GNAL: variants seen among roughly 807,000 people sequenced by gnomAD.
The protein encoded by GNAL is G protein subunit alpha L.
A neutral mutation model predicts 55.1 loss-of-function variants in GNAL; 18 were observed. The ratio of observed to expected loss-of-function variants is 0.33; its 90% CI spans 0.23 to 0.48. The LOEUF is 0.48. Ranked by LOEUF, GNAL falls within the 20% of genes least tolerant of loss-of-function variation. GNAL has a pLI of 0.99. For synonymous variants in GNAL, 253 were observed against 237.0 expected, an observed-to-expected ratio of 1.07 and a Z score of -0.62; for missense variants, 412 against 614.1, an observed-to-expected ratio of 0.67 and a Z score of 3.48.
chr18:11,881,246 G>A lies in GNAL; in HGVS notation c.*111G>A, dbSNP rs1057005227. On this transcript the variant is annotated 3_prime_UTR_variant, in exon 12 of 12. Coordinates refer to ENST00000334049, the MANE Select transcript of GNAL (RefSeq NM_182978.4). The surrounding 1 kb of genome is among the most constrained non-coding windows in gnomAD (Gnocchi z 4.8). Reference sequence around the variant, plus strand: ...GTTCCATCTCGCTGCCGTCTGTCCCGTTCTGTGTCGACCACCAAGCCTCTG... The same window carrying A: ...GTTCCATCTCGCTGCCGTCTGTCCCATTCTGTGTCGACCACCAAGCCTCTG... 34 of 1,104,272 alleles carry A rather than the reference G, an allele frequency of 3.1e-5. No individual in the cohort carries two copies. The Admixed American group carries it at 3.3e-4, about 11-fold the overall frequency. The allele number at this position is 1,104,272 out of a possible 1,614,324, so 68.4% of individuals were successfully genotyped here. A position where few individuals can be genotyped will look rare whatever the true frequency, so the allele number is the denominator to read the frequency against.
intron 5 of GNAL, among the ~76,000 whole-genome samples, chr18:11,850,390 A>G (rs2035831074): frequency 6.6e-6 from 1 of 152,132 alleles, no homozygotes; most frequent in African/African-American, 2.4e-5. Context: ...ATGATCTCTA[A>G]ACAGAATTCG....
At chr18:11,730,082 G>A (rs528620544) in intron 1 of GNAL, among the ~76,000 whole-genome samples, 29 of 150,928 alleles carry the variant, frequency 1.9e-4, no homozygotes, top group Non-Finnish European at 1.8e-4. Context: ...CGCCCAGGCC[G>A]AACTGCAGTG....
At position 11,883,070 on chromosome 18, in the gene GNAL, G is replaced by C. The variant is rs1288731106; in HGVS notation, c.*1935G>C. The C allele has an allele frequency of 6.6e-6, 1 of 152,094 alleles. No individual in the cohort carries two copies. The highest frequency in any genetic ancestry group is 1.5e-5 in the Non-Finnish European group (1 of 68,022). 9.4% of individuals were successfully genotyped at this position (152,094 alleles called of 1,614,324 possible). On this transcript the variant is annotated 3_prime_UTR_variant, in exon 12 of 12. Coordinates refer to ENST00000334049, the MANE Select transcript of GNAL (RefSeq NM_182978.4). ...ATTATTACTCTTCTTTTAGTCTTTA[G>C]TCTTTAATATTTTAAAGTTTACTCT...
chr18:11,763,412 CTTTT>C (rs869177717), intron 4 of GNAL, among the ~76,000 whole-genome samples: 1 of 148,466 alleles, frequency 6.7e-6, no homozygotes, highest in African/African-American at 2.5e-5. Context: ...AATACGATAT[CTTTT>C]TTTTTTTCTT....
intron 4 of GNAL, among the ~76,000 whole-genome samples, chr18:11,778,270 G>A (rs1412044625): frequency 6.6e-6 from 1 of 152,258 alleles, no homozygotes; most frequent in African/African-American, 2.4e-5. Context: ...ATCAGAGAAG[G>A]GTTAAATCCT....
At chr18:11,851,889 C>T (rs1014209877) in intron 5 of GNAL, 6 of 1,613,788 alleles carry the variant, frequency 3.7e-6, no homozygotes, top group African/African-American at 1.3e-5. Flanking sequence ...AGACTCTGGA[C>T]GTCCAGACGC....
Position 11,881,508 on chromosome 18 carries a change from G to A in GNAL, c.*373G>A, listed in dbSNP as rs563847985. 2 of 76,300 alleles carry A rather than the reference G, an allele frequency of 2.6e-5. No homozygotes were observed. Among genetic ancestry groups the A allele is most frequent in the Admixed American group, 1.3e-4 (1 of 7,646 alleles). 4.7% of individuals were successfully genotyped at this position (76,300 alleles called of 1,614,324 possible). On this transcript the variant is annotated 3_prime_UTR_variant, in exon 12 of 12. Transcript: ENST00000334049. The surrounding 1 kb of genome is among the most constrained non-coding windows in gnomAD (Gnocchi z 4.8). ...CGTTATCAACCGTGACTGCAAGAGC[G>A]TTCGTGCAGTGCCCTGAGCCACGGC...
intron 4 of GNAL, among the ~76,000 whole-genome samples, chr18:11,793,205 A>G (rs2034284323): frequency 6.6e-6 from 1 of 152,258 alleles, no homozygotes; most frequent in Admixed American, 6.5e-5. Flanking sequence ...GACATAAGAA[A>G]GCAAAAAGAC....
intron 10 of GNAL, among the ~76,000 whole-genome samples, chr18:11,873,765 TTCCCAGCAAGC>T (rs2036454218): frequency 2.0e-5 from 3 of 152,352 alleles, no homozygotes; most frequent in Admixed American, 2.0e-4. Context: ...CATTGCCAGT[TTCCCAGCAAGC>T]TGGGTCTTTA....
In GNAL at chr18:11,868,300, C is replaced by CA. The variant is rs369754427; in HGVS notation, c.911-231dup. Among the ~76,000 whole-genome samples, 55 of 141,456 alleles carry CA rather than the reference C, an allele frequency of 3.9e-4. No individual in the cohort carries two copies. Among genetic ancestry groups the CA allele is most frequent in the Middle Eastern group, 3.7e-3 (1 of 272 alleles). 92.8% of individuals were successfully genotyped at this position (141,456 alleles called of 152,430 possible). On this transcript the variant is annotated intron_variant, in intron 8 of 11. Transcript: ENST00000334049. This position sits in a 1 kb window ranked among gnomAD's most constrained non-coding sequence, Gnocchi z 4.0. ...GGGAGACAAGAGTGAAACTCCATCT[C>CA]AAAAAAAAAAAAGCACTTAAGCATC...
At chr18:11,869,783 C>T (rs942995030) in intron 9 of GNAL, among the ~76,000 whole-genome samples, 2 of 152,006 alleles carry the variant, frequency 1.3e-5, no homozygotes, top group Admixed American at 1.3e-4. Context: ...GTGGGGCGCG[C>T]TTGTAGTCCC....
At chr18:11,855,589 A>G (rs1054967905) in intron 5 of GNAL, among the ~76,000 whole-genome samples, 4 of 152,210 alleles carry the variant, frequency 2.6e-5, no homozygotes, top group Non-Finnish European at 5.9e-5. Context: ...TTTCTTGCTG[A>G]AGGAATGCCA....
chr18:11,831,477 A>G (rs992271584), intron 5 of GNAL, among the ~76,000 whole-genome samples: 1 of 152,176 alleles, frequency 6.6e-6, no homozygotes, highest in Non-Finnish European at 1.5e-5. Context: ...CACCCATGAA[A>G]AAAGTCTAAG....
chr18:11,762,118 G>A (rs554612840), intron 4 of GNAL, among the ~76,000 whole-genome samples: 1 of 152,360 alleles, frequency 6.6e-6, no homozygotes, highest in South Asian at 2.1e-4. Flanking sequence ...GGCACAGGAG[G>A]TGGAGAGGGA....
intron 4 of GNAL, among the ~76,000 whole-genome samples, chr18:11,807,491 T>A (rs2143546811): frequency 6.6e-6 from 1 of 152,320 alleles, no homozygotes. Context: ...ATCACAGGGA[T>A]GTCTCCAAGG....
At chr18:11,747,252 C>G in intron 1 of GNAL, 1 of 312,944 alleles carries the variant, frequency 3.2e-6, no homozygotes, top group South Asian at 3.2e-5. Context: ...CTGAAAGAGA[C>G]ATTTGAGGAC....
chr18:11,803,347 C>T (rs1198512992), intron 4 of GNAL, among the ~76,000 whole-genome samples: 1 of 152,202 alleles, frequency 6.6e-6, no homozygotes, highest in Non-Finnish European at 1.5e-5. Flanking sequence ...GCTCATGTCA[C>T]TTAGCACAAA....
intron 4 of GNAL, among the ~76,000 whole-genome samples, chr18:11,816,361 A>G (rs998324106): frequency 1.3e-5 from 2 of 152,010 alleles, no homozygotes; most frequent in Admixed American, 6.5e-5. Flanking sequence ...CAGTAGCACA[A>G]TCTCAGCTCA....
intron 4 of GNAL, among the ~76,000 whole-genome samples, chr18:11,784,646 A>G (rs566755262): frequency 1.3e-5 from 2 of 152,110 alleles, no homozygotes; most frequent in Non-Finnish European, 2.9e-5. Context: ...ACAAATTAGC[A>G]TTTTATTTCT....
Sources: allele counts gnomAD v4.1 joint callset (sites outside exome capture counted in the v4.1 genomes callset), GRCh38; gene constraint gnomAD v4.1.1; non-coding constraint Gnocchi (gnomAD v3.1); transcripts MANE v1.5; gene names NCBI Gene and HGNC (gene_info 2026-07-23, HGNC 2026-07-21).